MSH6: variants seen among roughly 807,000 people sequenced by gnomAD.
The protein encoded by MSH6 is DNA mismatch repair protein Msh6.
In MSH6, 85 loss-of-function variants were observed where a neutral mutation model predicts 119.1. The observed-to-expected ratio is 0.71, with a 90% CI of 0.60 to 0.85. The LOEUF (loss-of-function observed/expected upper bound fraction) is 0.85, where lower values mean the gene tolerates loss of function less well. MSH6 is among the 40% of genes least tolerant of loss of function. The pLI is 0.00. For synonymous variants in MSH6, 830 were observed against 586.9 expected, an observed-to-expected ratio of 1.41 and a Z score of -5.99; for missense variants, 2,163 against 1,655.3, an observed-to-expected ratio of 1.31 and a Z score of -5.32.
At position 47,806,770 on chromosome 2, in the gene MSH6, A is replaced by AATTT. The variant is rs780956029; in HGVS notation, c.4002-8_4002-5dup. The AATTT allele has an allele frequency of 3.4e-6, 5 of 1,473,534 alleles. No individual in the cohort carries two copies. The South Asian group carries it at 6.1e-5, about 18-fold the overall frequency. The allele number at this position is 1,473,534 out of a possible 1,614,324, so 91.3% of individuals were successfully genotyped here. On this transcript the variant is annotated splice_polypyrimidine_tract_variant and intron_variant, in intron 9 of 9. Coordinates refer to ENST00000234420, the MANE Select transcript of MSH6 (RefSeq NM_000179.3). ...AAAAAACTTTTTTTTTTTTTTTTTT[A>AATTT]ATTTTAAGGGAAGTTTGCCTGGCTA...
intron 7 of MSH6, 106 bp from the exon 8 acceptor site, chr2:47,806,098 G>A (rs1670017086): frequency 9.3e-7 from 1 of 1,074,904 alleles, no homozygotes; most frequent in Non-Finnish European, 1.4e-6. Flanking sequence ...TTTTAGACGT[G>A]GATGTACTAA....
intron 1 of MSH6, chr2:47,783,941 A>T (rs1003594574): frequency 2.5e-4 from 259 of 1,022,912 alleles, no homozygotes; most frequent in Middle Eastern, 4.6e-4. Flanking sequence ...TGCCTGCGGG[A>T]GGCCGAACGG....
intron 4 of MSH6, among the ~76,000 whole-genome samples, chr2:47,801,802 CTTTAT>C (rs1345061377): frequency 6.6e-6 from 1 of 152,016 alleles, no homozygotes. Context: ...GCGTGCCCTG[CTTTAT>C]TTTTTTGGTG....
chr2:47,798,807 G>C lies in MSH6; in HGVS notation c.824G>C (p.Ser275Thr), dbSNP rs774586054. ...CCAGACACTAAGGAGGAAGGAAGCA[G>C]TGATGAAATAAGCAGTGGAGTGGGG... ...FKPDTKEEGS[S>T]DEISSGVGDS... is the part of the protein sequence containing the mutation. The change falls in exon 4 of 10, where the codon AGT (serine) becomes ACT (threonine). Residue 275 changes from serine to threonine, a missense_variant. Physicochemically the swap from Ser to Thr is moderately conservative, Grantham distance 58. Coordinates refer to ENST00000234420, the MANE Select transcript of MSH6 (RefSeq NM_000179.3). 1.2e-6 allele frequency: 2 copies of C among 1,614,076 alleles called. No individual in the cohort carries two copies. The highest frequency in any genetic ancestry group is 4.5e-5 in the East Asian group (2 of 44,900).
Position 47,795,956 on chromosome 2 carries a change from A to C in MSH6, c.520A>C (p.Arg174=), listed in dbSNP as rs1405000889. ...TTACAGTGCAAAGCCTGAAATACTGAGAGCAATGCAACGTGCAGATGAAGC... is the reference window on the plus strand; with the variant it reads ...TTACAGTGCAAAGCCTGAAATACTGCGAGCAATGCAACGTGCAGATGAAGC... ...HFYSAKPEIL[R]AMQRADEALN... is the part of the protein sequence containing the mutation. The change falls in exon 3 of 10, where the codon AGA becomes CGA. Residue 174 remains arginine (R), a synonymous_variant. Transcript: ENST00000234420. 2 of 1,614,194 alleles carry C rather than the reference A, an allele frequency of 1.2e-6. No homozygotes were observed. Among genetic ancestry groups the C allele is most frequent in the Non-Finnish European group, 1.7e-6 (2 of 1,180,016 alleles).
intron 3 of MSH6, among the ~76,000 whole-genome samples, chr2:47,796,455 T>C (rs1160855489): frequency 6.6e-6 from 1 of 152,174 alleles, no homozygotes; most frequent in African/African-American, 2.4e-5. Flanking sequence ...TTGCCCAGGC[T>C]GGTCTCAAAC....
intron 3 of MSH6, 52 bp from the exon 4 acceptor site, chr2:47,798,559 A>C (rs1268757660): frequency 1.3e-6 from 2 of 1,588,788 alleles, no homozygotes; most frequent in South Asian, 2.2e-5. Context: ...GTCTTACATT[A>C]TGGTTTTCCA....
chr2:47,801,114 A>C lies in MSH6; in HGVS notation c.3131A>C (p.Tyr1044Ser), dbSNP rs1553414541. The C allele has an allele frequency of 2.5e-6, 4 of 1,612,436 alleles. No individual in the cohort carries two copies. Among genetic ancestry groups the C allele is most frequent in the Non-Finnish European group, 3.4e-6 (4 of 1,179,816 alleles). Residue 1044 changes from tyrosine to serine, a missense_variant, in exon 4 of 10, where the codon TAC becomes TCC. Tyr to Ser is a moderately radical substitution (Grantham distance 144). Coordinates refer to ENST00000234420, the MANE Select transcript of MSH6 (RefSeq NM_000179.3). ...CTGTTCTATAACTTTGATAAAAATT[A>C]CAAGGACTGGCAGTCTGCTGTAGAG... Reference protein sequence around the residue: ...RRLFYNFDKNYKDWQSAVECI... With the variant: ...RRLFYNFDKNSKDWQSAVECI...
At position 47,799,951 on chromosome 2, in the gene MSH6, C is replaced by A. The variant is rs1553413333; in HGVS notation, c.1968C>A (p.Pro656=). Residue 656 remains proline (P), a synonymous_variant, in exon 4 of 10, where the codon CCC becomes CCA. Coordinates refer to ENST00000234420, the MANE Select transcript of MSH6 (RefSeq NM_000179.3). ...KLSDGIGVML[P]QVLKGMTSES... is the part of the protein sequence containing the mutation. ...GTGATGGCATTGGGGTGATGTTACCCCAGGTGCTTAAAGGTATGACTTCAG... is the reference window on the plus strand; with the variant it reads ...GTGATGGCATTGGGGTGATGTTACCACAGGTGCTTAAAGGTATGACTTCAG... 6.2e-7 allele frequency: 1 copy of A among 1,614,014 alleles called. No individual in the cohort carries two copies. The highest frequency in any genetic ancestry group is 8.5e-7 in the Non-Finnish European group (1 of 1,180,006).
At chr2:47,783,946 G>T (rs1248333874) in intron 1 of MSH6, 3 of 1,030,584 alleles carry the variant, frequency 2.9e-6, no homozygotes, top group Non-Finnish European at 1.2e-6. Context: ...GCGGGAGGCC[G>T]AACGGGGAGA....
Position 47,805,686 on chromosome 2 carries a change from C to G in MSH6, c.3625C>G (p.Leu1209Val), listed in dbSNP as rs753675331. ...ACTCATGCATGCAACAGCACATTCT[C>G]TGGTGCTTGTGGATGAATTAGGTAA... ...SILMHATAHS[L>V]VLVDELGRGT... Residue 1209 changes from leucine to valine, a missense_variant, in exon 7 of 10, where the codon CTG (leucine) becomes GTG (valine). Physicochemically the swap from Leu to Val is conservative, Grantham distance 32. Coordinates refer to ENST00000234420, the MANE Select transcript of MSH6 (RefSeq NM_000179.3). The G allele has an allele frequency of 1.9e-6, 3 of 1,611,386 alleles. No individual in the cohort carries two copies. Among genetic ancestry groups the G allele is most frequent in the East Asian group, 2.2e-5 (1 of 44,854 alleles).
At chr2:47,807,666 T>A (rs1008902770), downstream of MSH6, 3 of 159,888 alleles carry the variant, frequency 1.9e-5, no homozygotes, top group Non-Finnish European at 3.6e-5. Flanking sequence ...TGAATACATG[T>A]TAAAAAAAAA....
intron 1 of MSH6, among the ~76,000 whole-genome samples, chr2:47,790,286 T>C (rs1405688672): frequency 1.3e-5 from 2 of 152,168 alleles, no homozygotes; most frequent in African/African-American, 2.4e-5. Flanking sequence ...AAGCCAGGTG[T>C]GATGGCGTGT....
intron 2 of MSH6, 46 bp downstream of exon 2, chr2:47,791,169 T>G: frequency 6.4e-7 from 1 of 1,551,710 alleles, no homozygotes; most frequent in Non-Finnish European, 8.9e-7. Flanking sequence ...TGTGTGTGTG[T>G]GTGTGTGAGA....
In MSH6 at chr2:47,796,028, G is replaced by A. The variant is rs1553411490; in HGVS notation, c.592G>A (p.Glu198Lys). ...GAGGCTTGAATTGGCAGTTTGTGAT[G>A]AGCCCTCAGAGCCAGAAGAGGAAGA... is the stretch of plus-strand genomic sequence containing the variant. The part of the protein sequence containing the change: ...IKRLELAVCD[E>K]PSEPEEEEEM... The change falls in exon 3 of 10, where the codon GAG becomes AAG. Residue 198 changes from glutamate (E) to lysine (K), a missense_variant. By Grantham distance (56) the Glu-to-Lys change is moderately conservative. Coordinates refer to ENST00000234420, the MANE Select transcript of MSH6 (RefSeq NM_000179.3). 2 of 1,614,102 alleles carry A rather than the reference G, an allele frequency of 1.2e-6. No homozygotes were observed. Among genetic ancestry groups the A allele is most frequent in the Non-Finnish European group, 1.7e-6 (2 of 1,180,038 alleles).
intron 1 of MSH6, among the ~76,000 whole-genome samples, chr2:47,785,597 T>C (rs1558647293): frequency 6.6e-6 from 1 of 152,234 alleles, no homozygotes; most frequent in Non-Finnish European, 1.5e-5. Context: ...TCTGAGATTT[T>C]TCTAAGTGTA....
At chr2:47,795,462 ATTTTT>A (rs374584843) in intron 2 of MSH6, among the ~76,000 whole-genome samples, 2 of 117,102 alleles carry the variant, frequency 1.7e-5, no homozygotes, top group African/African-American at 6.1e-5. Context: ...ACATATATAC[ATTTTT>A]TTTTTTTTTT....
chr2:47,799,921 G>C lies in MSH6; in HGVS notation c.1938G>C (p.Lys646Asn), dbSNP rs758631207. Residue 646 changes from lysine (K) to asparagine (N), a missense_variant, in exon 4 of 10, where the codon AAG becomes AAC. Coordinates refer to ENST00000234420, the MANE Select transcript of MSH6 (RefSeq NM_000179.3). ...TTGAGGAAGAATATTTTAGGGAAAA[G>C]CTAAGTGATGGCATTGGGGTGATGT... is the stretch of plus-strand genomic sequence containing the variant. ...TLLEEEYFRE[K>N]LSDGIGVMLP... The C allele has an allele frequency of 6.2e-7, 1 of 1,614,202 alleles. No homozygotes were observed.
At chr2:47,790,834 C>A in intron 1 of MSH6, 93 bp from the exon 2 acceptor site, 1 of 1,131,810 alleles carries the variant, frequency 8.8e-7, no homozygotes, top group Non-Finnish European at 1.3e-6. Context: ...AATATTAATG[C>A]CAGAAGACTT....
Sources: allele counts gnomAD v4.1 joint callset (sites outside exome capture counted in the v4.1 genomes callset), GRCh38; gene constraint gnomAD v4.1.1; transcripts MANE v1.5; gene names NCBI Gene and HGNC (gene_info 2026-07-23, HGNC 2026-07-21).